Variants in HHAT observed in about 807,000 individuals in gnomAD.
HHAT encodes protein-cysteine N-palmitoyltransferase HHAT.
In HHAT, 47 loss-of-function variants were observed where a neutral mutation model predicts 70.8. The ratio of observed to expected loss-of-function variants is 0.66; its 90% CI spans 0.53 to 0.85. The LOEUF is 0.85. Among genes scored for constraint, HHAT ranks in the 40% least tolerant of loss-of-function variants. The probability of loss-of-function intolerance (pLI) is 0.00; values close to 1 mark genes in which losing one functional copy is unlikely to be tolerated. For synonymous variants in HHAT, 228 were observed against 247.6 expected (o/e 0.92, Z 0.74); for missense variants, 609 against 604.8 (o/e 1.01, Z -0.07).
chr1:210,467,299 A>AG (rs1406027112), intron 8 of HHAT, among the ~76,000 whole-genome samples: 1 of 152,148 alleles, frequency 6.6e-6, no homozygotes, highest in African/African-American at 2.4e-5. Flanking sequence ...TTGAAAAAAA[A>AG]GAATAACAAT....
At chr1:210,618,896 G>C (rs746020692) in intron 10 of HHAT, among the ~76,000 whole-genome samples, 1 of 152,222 alleles carries the variant, frequency 6.6e-6, no homozygotes, top group Non-Finnish European at 1.5e-5. Context: ...CGAGTTTGAC[G>C]TAAGTTTAGT....
rs182842839 is a variant in HHAT at position 210,635,559 on chromosome 1, C to T, written c.1390+11889C>T. On this transcript the variant is annotated intron_variant, in intron 11 of 11. Coordinates refer to ENST00000261458, the MANE Select transcript of HHAT (RefSeq NM_018194.6). ...ATGAGGCTGTCAGCTATGGCTGTCG[C>T]GCATCAAAGGACAGAAAAGATGGAA... 1.2e-3 allele frequency among the ~76,000 whole-genome samples: 184 copies of T among 152,188 alleles called. 1 individual carries two copies. The highest frequency in any genetic ancestry group is 4.3e-3 in the African/African-American group (177 of 41,530).
chr1:210,663,057 A>G (rs1302180044), intron 11 of HHAT, among the ~76,000 whole-genome samples: 1 of 152,122 alleles, frequency 6.6e-6, no homozygotes, highest in Non-Finnish European at 1.5e-5. Context: ...CAGGGGCCAT[A>G]TAATTGTGGC....
rs551622660 is a variant in HHAT, at chr1:210,373,442, A to AAGC, written c.159+10534_159+10536dup. On this transcript the variant is annotated intron_variant, in intron 3 of 11. Transcript: ENST00000261458. ...GATAAGCCTTTGTTAAAAAGAAATTAAGCAGCAGCAGCAAGGTAAGAGCGA... is the reference window on the plus strand; with the variant it reads ...GATAAGCCTTTGTTAAAAAGAAATTAAGCAGCAGCAGCAGCAAGGTAAGAGCGA... Among the ~76,000 whole-genome samples, 33 of 152,310 alleles carry AAGC rather than the reference A, an allele frequency of 2.2e-4. 2 individuals are homozygous for AAGC. In the South Asian group the frequency reaches 2.9e-3, roughly 13 times the overall value.
intron 9 of HHAT, among the ~76,000 whole-genome samples, chr1:210,556,420 A>G (rs1011105669): frequency 2.0e-5 from 3 of 152,184 alleles, no homozygotes; most frequent in African/African-American, 7.2e-5. Context: ...AGGTGCATGA[A>G]TATATGATAT....
At chr1:210,546,962 G>T (rs1464420335) in intron 9 of HHAT, among the ~76,000 whole-genome samples, 1 of 151,322 alleles carries the variant, frequency 6.6e-6, no homozygotes, top group South Asian at 2.1e-4. Context: ...CATCACCAGG[G>T]CCTCTCTGGA....
intron 8 of HHAT, among the ~76,000 whole-genome samples, chr1:210,480,649 C>G (rs550705893): frequency 7.2e-5 from 11 of 152,324 alleles, no homozygotes; most frequent in Non-Finnish European, 1.3e-4. Flanking sequence ...CTTGCACTTT[C>G]CATCTACAGT....
intron 8 of HHAT, among the ~76,000 whole-genome samples, chr1:210,495,248 G>A (rs1231491781): frequency 6.6e-6 from 1 of 150,598 alleles, no homozygotes; most frequent in South Asian, 2.1e-4. Context: ...TATAATACAT[G>A]CTTAATATAT....
intron 9 of HHAT, among the ~76,000 whole-genome samples, chr1:210,526,444 G>C (rs138100074): frequency 1.3e-5 from 2 of 149,450 alleles, no homozygotes; most frequent in Non-Finnish European, 3.0e-5. Flanking sequence ...CAGGGGGAGC[G>C]CATGATCTTT....
chr1:210,354,642 A>G (rs1571830403), intron 2 of HHAT, among the ~76,000 whole-genome samples: 1 of 152,182 alleles, frequency 6.6e-6, no homozygotes, highest in East Asian at 1.9e-4. Context: ...GATTACATAC[A>G]TGAACAAGGG....
chr1:210,477,941 G>C (rs1310073898), intron 8 of HHAT, among the ~76,000 whole-genome samples: 1 of 152,110 alleles, frequency 6.6e-6, no homozygotes, highest in East Asian at 1.9e-4. Context: ...TTGTCTAGTT[G>C]GTGGCTGACT....
intron 10 of HHAT, among the ~76,000 whole-genome samples, chr1:210,620,942 C>G (rs1017161044): frequency 4.7e-5 from 7 of 150,222 alleles, no homozygotes; most frequent in African/African-American, 1.7e-4. Flanking sequence ...AACCATGTAG[C>G]TTAGAATATG....
chr1:210,633,408 G>A (rs754563591), intron 11 of HHAT, among the ~76,000 whole-genome samples: 1 of 152,196 alleles, frequency 6.6e-6, no homozygotes, highest in Non-Finnish European at 1.5e-5. Context: ...GGCACAGTGA[G>A]GGCCCTGGGA....
At chr1:210,486,824 T>TG (rs1293725564) in intron 8 of HHAT, among the ~76,000 whole-genome samples, 1 of 152,132 alleles carries the variant, frequency 6.6e-6, no homozygotes, top group East Asian at 1.9e-4. Flanking sequence ...GCTTGAGCAA[T>TG]GGGCAGGTAA....
At position 210,595,219 on chromosome 1, in the gene HHAT, G is replaced by A. The variant is rs1253345993; in HGVS notation, c.1245+7120G>A. On this transcript the variant is annotated intron_variant, in intron 10 of 11. Transcript: ENST00000261458. ...CTATGAGTGAGAACAAGCGGTGTGT[G>A]GTTTTTTGTCCTTGTGATGGTTTGC... Among the ~76,000 whole-genome samples, 3 of 151,966 alleles carry A rather than the reference G, an allele frequency of 2.0e-5. No homozygotes were observed. The East Asian group carries it at 5.8e-4, about 29-fold the overall frequency.
At chr1:210,638,091 A>G (rs1672252370) in intron 11 of HHAT, among the ~76,000 whole-genome samples, 1 of 152,204 alleles carries the variant, frequency 6.6e-6, no homozygotes, top group Admixed American at 6.5e-5. Flanking sequence ...TTTACTGCTG[A>G]TGGGAGTGTA....
chr1:210,540,602 C>T (rs1160825943), intron 9 of HHAT, among the ~76,000 whole-genome samples: 1 of 150,966 alleles, frequency 6.6e-6, no homozygotes, highest in African/African-American at 2.4e-5. Context: ...AAAACACACA[C>T]TATGTGTATG....
intron 5 of HHAT, among the ~76,000 whole-genome samples, chr1:210,404,028 G>A (rs757243987): frequency 2.6e-5 from 4 of 150,998 alleles, no homozygotes; most frequent in Admixed American, 1.3e-4. Flanking sequence ...AGAGGAAAAC[G>A]AAAAATACAT....
intron 9 of HHAT, among the ~76,000 whole-genome samples, chr1:210,539,877 C>T (rs767758400): frequency 6.6e-6 from 1 of 152,172 alleles, no homozygotes; most frequent in Non-Finnish European, 1.5e-5. Flanking sequence ...GTTCCTTCCA[C>T]TCAAGAAAAG....
Sources: allele counts gnomAD v4.1 joint callset (sites outside exome capture counted in the v4.1 genomes callset), GRCh38; gene constraint gnomAD v4.1.1; transcripts MANE v1.5; gene names NCBI Gene and HGNC (gene_info 2026-07-23, HGNC 2026-07-21).